The following NAA30 variants were observed in gnomAD, a reference collection of about 807,000 sequenced individuals.
NAA30 encodes the protein N-alpha-acetyltransferase 30, NatC catalytic subunit.
A neutral mutation model predicts 31.4 loss-of-function variants in NAA30; 5 were observed. That is an observed-to-expected ratio of 0.16 (90% CI 0.08 to 0.33). The LOEUF is 0.33. NAA30 is among the 10% of genes least tolerant of loss of function. The pLI is 1.00. For missense variants in NAA30, 428 were observed against 490.8 expected (o/e 0.87, Z 1.21); for synonymous variants, 222 against 207.1 (o/e 1.07, Z -0.62).
At chr14:57,400,305 G>A (rs1367674271) in intron 4 of NAA30, among the ~76,000 whole-genome samples, 1 of 152,172 alleles carries the variant, frequency 6.6e-6, no homozygotes, top group Non-Finnish European at 1.5e-5. Context: ...TTGGCTAGGG[G>A]GAAGACAACC....
intron 4 of NAA30, among the ~76,000 whole-genome samples, chr14:57,403,408 T>A (rs2066485489): frequency 6.6e-6 from 1 of 152,330 alleles, no homozygotes; most frequent in South Asian, 2.1e-4. Flanking sequence ...TTATTAGTAA[T>A]CACAGAATTG....
At chr14:57,400,591 T>G (rs1368069616) in intron 4 of NAA30, among the ~76,000 whole-genome samples, 1 of 152,182 alleles carries the variant, frequency 6.6e-6, no homozygotes, top group Non-Finnish European at 1.5e-5. Flanking sequence ...CTTTTATGAG[T>G]AATAGAAGTA....
chr14:57,392,367 T>C (rs1195279984), intron 2 of NAA30, among the ~76,000 whole-genome samples: 6 of 152,122 alleles, frequency 3.9e-5, no homozygotes, highest in South Asian at 2.1e-4. Flanking sequence ...AAATACCCTT[T>C]TGTGGAATGT....
rs1286028093 is a variant in NAA30 at position 57,412,640 on chromosome 14, A to C, written c.*3124A>C. On this transcript the variant is annotated 3_prime_UTR_variant, in exon 5 of 5. Coordinates refer to ENST00000556492, the MANE Select transcript of NAA30 (RefSeq NM_001011713.3). Reference sequence around the variant, plus strand: ...CTGCTGTTTGACTGGATATTGCTGCATAATTTTCTTCTATTGTCCCATATC... The same window carrying C: ...CTGCTGTTTGACTGGATATTGCTGCCTAATTTTCTTCTATTGTCCCATATC... 1 of 150,502 alleles carries C rather than the reference A, an allele frequency of 6.6e-6. No homozygotes were observed. Among genetic ancestry groups the C allele is most frequent in the Non-Finnish European group, 1.5e-5 (1 of 68,020 alleles). The allele number at this position is 150,502 out of a possible 1,614,324, so 9.3% of individuals were successfully genotyped here.
At chr14:57,407,301 C>A (rs1002110145) in intron 4 of NAA30, among the ~76,000 whole-genome samples, 1 of 152,108 alleles carries the variant, frequency 6.6e-6, no homozygotes, top group African/African-American at 2.4e-5. Flanking sequence ...TGATCCTGAA[C>A]TGTTAATTAC....
chr14:57,396,650 C>T, intron 2 of NAA30, 102 bp from the exon 3 acceptor site: 2 of 1,215,280 alleles, frequency 1.6e-6, no homozygotes, highest in South Asian at 1.4e-5. Context: ...ATTATCTTCC[C>T]CCGTCGAAAA....
intron 4 of NAA30, among the ~76,000 whole-genome samples, chr14:57,402,285 T>G (rs556522518): frequency 6.6e-6 from 1 of 152,376 alleles, no homozygotes; most frequent in African/African-American, 2.4e-5. Context: ...TTGCTACTCT[T>G]TTTGTAATTA....
chr14:57,391,761 A>G lies in NAA30; in HGVS notation c.771+33A>G, dbSNP rs985742603. On this transcript the variant is annotated intron_variant, in intron 2 of 4. Coordinates refer to ENST00000556492, the MANE Select transcript of NAA30 (RefSeq NM_001011713.3). This position sits in a 1 kb window ranked among gnomAD's most constrained non-coding sequence, Gnocchi z 4.1. ...GATAGAATAAAAAGAGGGTGAACCC[A>G]GCAGTGATCGAGACTGTGCGGGGCA... 10 of 1,552,220 alleles carry G rather than the reference A, an allele frequency of 6.4e-6. No individual in the cohort carries two copies. The highest frequency in any genetic ancestry group is 4.9e-5 in the South Asian group (4 of 82,016).
At position 57,415,833 on chromosome 14, in the gene NAA30, T is replaced by G. The variant is rs543792157; in HGVS notation, c.*6317T>G. 2.0e-5 allele frequency: 3 copies of G among 152,180 alleles called. No individual in the cohort carries two copies. The East Asian group carries it at 5.8e-4, about 29-fold the overall frequency. 9.4% of individuals were successfully genotyped at this position (152,180 alleles called of 1,614,324 possible). On this transcript the variant is annotated 3_prime_UTR_variant, in exon 5 of 5. Coordinates refer to ENST00000556492, the MANE Select transcript of NAA30 (RefSeq NM_001011713.3). The stretch of plus-strand genomic sequence containing the variant: ...CCCTCCAAACTGTGGCTGTAAACAG[T>G]GACTCTGCATAGTCAGCGTTATACT...
intron 4 of NAA30, among the ~76,000 whole-genome samples, chr14:57,406,102 T>A (rs1450711742): frequency 3.3e-5 from 5 of 152,230 alleles, no homozygotes. Context: ...TTGTGTCAAA[T>A]AATTTTCTAA....
chr14:57,394,861 G>A (rs1220826189), intron 2 of NAA30, among the ~76,000 whole-genome samples: 1 of 152,094 alleles, frequency 6.6e-6, no homozygotes, highest in Non-Finnish European at 1.5e-5. Context: ...TCTGAGGTTT[G>A]TATCATCAAT....
rs937231642 is a variant in NAA30 at position 57,396,844 on chromosome 14, C to T, written c.864C>T (p.Ala288=). The T allele has an allele frequency of 7.4e-6, 12 of 1,613,590 alleles. No individual in the cohort carries two copies. The highest frequency in any genetic ancestry group is 6.7e-5 in the African/African-American group (5 of 74,802). Reference sequence around the variant, plus strand: ...GCAGAGGTTATATAGCCATGTTAGCCGTGGATTCCAAATACAGGAGAAATG... The same window carrying T: ...GCAGAGGTTATATAGCCATGTTAGCTGTGGATTCCAAATACAGGAGAAATG... ...MFRRGYIAML[A]VDSKYRRNGI... The change falls in exon 3 of 5, where the codon GCC becomes GCT. Residue 288 remains alanine, a synonymous_variant. Transcript: ENST00000556492.
rs1033726924 is a variant in NAA30 at position 57,415,893 on chromosome 14, G to T, written c.*6377G>T. ...TGTGAATGCAAATAAAATAAAATTT[G>T]TAAGTCCACCAAATATTGACTTAAC... On this transcript the variant is annotated 3_prime_UTR_variant, in exon 5 of 5. Transcript: ENST00000556492. 6.7e-6 allele frequency: 1 copy of T among 148,466 alleles called. No homozygotes were observed. The highest frequency in any genetic ancestry group is 2.5e-5 in the African/African-American group (1 of 40,764). The allele number at this position is 148,466 out of a possible 1,614,324, so 9.2% of individuals were successfully genotyped here.
At chr14:57,393,681 A>G (rs2066439093) in intron 2 of NAA30, among the ~76,000 whole-genome samples, 1 of 152,122 alleles carries the variant, frequency 6.6e-6, no homozygotes, top group South Asian at 2.1e-4. Context: ...TAAGAACCAA[A>G]GTGACTTAAA....
intron 4 of NAA30, among the ~76,000 whole-genome samples, chr14:57,403,081 T>A (rs1167654308): frequency 6.6e-6 from 1 of 152,124 alleles, no homozygotes; most frequent in African/African-American, 2.4e-5. Flanking sequence ...CTCGGGAGGC[T>A]GAGGCAGGAG....
intron 4 of NAA30, among the ~76,000 whole-genome samples, chr14:57,405,818 A>G (rs2066496150): frequency 6.6e-6 from 1 of 152,230 alleles, no homozygotes; most frequent in Non-Finnish European, 1.5e-5. Context: ...AGGAGCTTCC[A>G]GCCTACAGTA....
intron 3 of NAA30, among the ~76,000 whole-genome samples, chr14:57,397,649 G>C (rs186646885): frequency 6.6e-6 from 1 of 152,166 alleles, no homozygotes; most frequent in Admixed American, 6.5e-5. Flanking sequence ...ACCAGGTGCC[G>C]GGTGCGGTGG....
In NAA30 at chr14:57,410,400, A is replaced by G; in HGVS notation, c.*884A>G. The G allele has an allele frequency of 6.6e-6, 1 of 152,560 alleles. No individual in the cohort carries two copies. 9.5% of individuals were successfully genotyped at this position (152,560 alleles called of 1,614,324 possible). ...GTTTAGATGCACTTTTTCTTTTGAG[A>G]GTAAGGGAAGTTTTGGAAAAGAATA... On this transcript the variant is annotated 3_prime_UTR_variant, in exon 5 of 5. Transcript: ENST00000556492.
intron 4 of NAA30, 35 bp downstream of exon 4, chr14:57,399,918 G>A: frequency 1.0e-6 from 1 of 980,260 alleles, no homozygotes; most frequent in Non-Finnish European, 1.6e-6. Context: ...TTTTTTATCT[G>A]GGCATTATTC....
Sources: allele counts gnomAD v4.1 joint callset (sites outside exome capture counted in the v4.1 genomes callset), GRCh38; gene constraint gnomAD v4.1.1; non-coding constraint Gnocchi (gnomAD v3.1); transcripts MANE v1.5; gene names NCBI Gene and HGNC (gene_info 2026-07-23, HGNC 2026-07-21).